Variants in ZNF430 observed in about 807,000 individuals in gnomAD.
ZNF430 encodes zinc finger protein 430.
Under a neutral mutation model 56.7 loss-of-function variants are expected in ZNF430, and 35 were observed. The ratio of observed to expected loss-of-function variants is 0.62; its 90% confidence interval spans 0.47 to 0.82. The LOEUF is 0.82. Ranked by LOEUF, ZNF430 falls within the 40% of genes least tolerant of loss-of-function variation. ZNF430 has a pLI of 0.00. For missense variants in ZNF430, 574 were observed against 661.0 expected (o/e 0.87, Z 1.44); for synonymous variants, 212 against 224.3 (o/e 0.94, Z 0.49).
chr19:21,057,919 A>T lies in ZNF430; in HGVS notation c.1611A>T (p.Gly537=). 2 of 1,613,780 alleles carry T rather than the reference A, an allele frequency of 1.2e-6. No homozygotes were observed. The highest frequency in any genetic ancestry group is 1.7e-6 in the Non-Finnish European group (2 of 1,179,866). ...CTAAACATAAGGTAATTCATACTGGAGAGAAACCCTACAACTGTGAAGAAT... is the reference window on the plus strand; with the variant it reads ...CTAAACATAAGGTAATTCATACTGGTGAGAAACCCTACAACTGTGAAGAAT... ...TLTKHKVIHT[G]EKPYNCEEYG... is the part of the protein sequence containing the mutation. The change falls in exon 5 of 5, where the codon GGA becomes GGT. Residue 537 remains glycine, a synonymous_variant. Coordinates refer to ENST00000261560, the MANE Select transcript of ZNF430 (RefSeq NM_025189.4).
chr19:21,028,705 A>G (rs1046241582), intron 2 of ZNF430, among the ~76,000 whole-genome samples: 11 of 151,792 alleles, frequency 7.2e-5, no homozygotes, highest in African/African-American at 2.7e-4. Context: ...TTCTTTTTTT[A>G]GACGGAGTAT....
chr19:21,054,669 C>CTTTTT lies in ZNF430; in HGVS notation c.323-1942_323-1938dup, dbSNP rs55772412. Among the ~76,000 whole-genome samples the CTTTTT allele has an allele frequency of 4.1e-3, 268 of 65,604 alleles. 1 individual carries two copies. The highest frequency in any genetic ancestry group is 5.0e-3 in the African/African-American group (79 of 15,722). 43.0% of individuals were successfully genotyped at this position (65,604 alleles called of 152,430 possible). The stretch of plus-strand genomic sequence containing the variant: ...TTTTTGAGCTTCTTCATTTTTACGT[C>CTTTTT]TTTTTTTTTTTTTTTTTTTTTTTTG... On this transcript the variant is annotated intron_variant, in intron 4 of 4. Coordinates refer to ENST00000261560, the MANE Select transcript of ZNF430 (RefSeq NM_025189.4).
In ZNF430 at chr19:21,033,476, T is replaced by C. The variant is rs1229696307; in HGVS notation, c.117T>C (p.Asp39=). The C allele has an allele frequency of 3.1e-6, 5 of 1,611,312 alleles. No homozygotes were observed. In the Admixed American group the frequency reaches 6.7e-5, roughly 22 times the overall value. The change falls in exon 3 of 5, where the codon GAT becomes GAC. Residue 39 remains aspartate, a synonymous_variant. Transcript: ENST00000261560. ...FYEKGPLTFR[D]VAIEFSLEEW... ...TTCAGGGGCCATTGACATTTAGGGA[T>C]GTGGCCATAGAATTTTCTCTGGAGG...
At chr19:21,031,032 G>A (rs138992366) in intron 2 of ZNF430, among the ~76,000 whole-genome samples, 1 of 151,954 alleles carries the variant, frequency 6.6e-6, no homozygotes, top group South Asian at 2.1e-4. Flanking sequence ...ACAGGCACCC[G>A]CCACCATTCC....
rs1217987419 is a variant in ZNF430, at chr19:21,058,024, AT to A, written c.*5del. The A allele has an allele frequency of 6.2e-7, 1 of 1,609,610 alleles. No homozygotes were observed. The highest frequency in any genetic ancestry group is 8.5e-7 in the Non-Finnish European group (1 of 1,178,304). On this transcript the variant is annotated 3_prime_UTR_variant, in exon 5 of 5. Transcript: ENST00000261560. Reference sequence around the variant, plus strand: ...GGAGAGAAACCCTACAAATGTGAAGATTGTGGCAAAGCCTCTAACCCGTCCT... The same window carrying A: ...GGAGAGAAACCCTACAAATGTGAAGATGTGGCAAAGCCTCTAACCCGTCCT...
intron 4 of ZNF430, among the ~76,000 whole-genome samples, chr19:21,054,023 A>G (rs1440386590): frequency 1.3e-5 from 2 of 152,080 alleles, no homozygotes; most frequent in African/African-American, 2.4e-5. Flanking sequence ...CTTCAGTTAC[A>G]TGCAAATATT....
Position 21,020,794 on chromosome 19 carries a change from C to T in ZNF430, c.-7C>T. 7 of 1,613,832 alleles carry T rather than the reference C, an allele frequency of 4.3e-6. No homozygotes were observed. The highest frequency in any genetic ancestry group is 5.1e-6 in the Non-Finnish European group (6 of 1,179,842). Reference sequence around the variant, plus strand: ...CTAAGACGCCAGGAACCCCTGGAAGCCTAGAAATGGTGAGAGTGCCGGGTC... The same window carrying T: ...CTAAGACGCCAGGAACCCCTGGAAGTCTAGAAATGGTGAGAGTGCCGGGTC... On this transcript the variant is annotated 5_prime_UTR_variant, in exon 1 of 5. Coordinates refer to ENST00000261560, the MANE Select transcript of ZNF430 (RefSeq NM_025189.4).
rs1968387661 is a variant in ZNF430 at position 21,056,869 on chromosome 19, T to C, written c.561T>C (p.Tyr187=). Residue 187 remains tyrosine, a synonymous_variant, in exon 5 of 5, where the codon TAT becomes TAC. Transcript: ENST00000261560. ...FQYDKYVNVF[Y]KFSNPNIQKI... is the part of the protein sequence containing the mutation. ...ATGATAAATATGTGAATGTCTTTTA[T>C]AAATTTTCAAATCCAAATATACAAA... The C allele has an allele frequency of 3.7e-6, 6 of 1,609,666 alleles. No individual in the cohort carries two copies. In the East Asian group the frequency reaches 1.1e-4, roughly 30 times the overall value.
At chr19:21,052,994 A>G (rs939413864) in intron 4 of ZNF430, among the ~76,000 whole-genome samples, 1 of 152,148 alleles carries the variant, frequency 6.6e-6, no homozygotes, top group Non-Finnish European at 1.5e-5. Flanking sequence ...CAGTCTTCCC[A>G]GATGTCACCT....
At chr19:21,040,404 A>G (rs907782310) in intron 4 of ZNF430, among the ~76,000 whole-genome samples, 1 of 152,208 alleles carries the variant, frequency 6.6e-6, no homozygotes, top group Non-Finnish European at 1.5e-5. Flanking sequence ...TAGTAATCAG[A>G]AAGTTTTCAC....
chr19:21,039,544 GCAAACTCC>G (rs1968066405), intron 4 of ZNF430, among the ~76,000 whole-genome samples: 1 of 150,776 alleles, frequency 6.6e-6, no homozygotes, highest in African/African-American at 2.4e-5. Flanking sequence ...TTGGCTCACT[GCAAACTCC>G]GCCTCACAGG....
At chr19:21,054,180 T>G (rs1968331601) in intron 4 of ZNF430, among the ~76,000 whole-genome samples, 1 of 152,134 alleles carries the variant, frequency 6.6e-6, no homozygotes, top group Non-Finnish European at 1.5e-5. Flanking sequence ...TTCTGCACCA[T>G]TATAATAATG....
chr19:21,054,095 T>C (rs35644122), intron 4 of ZNF430, among the ~76,000 whole-genome samples: 2 of 152,136 alleles, frequency 1.3e-5, no homozygotes, highest in Admixed American at 1.3e-4. Flanking sequence ...TTTTATGTTG[T>C]ATATTAACTA....
intron 2 of ZNF430, among the ~76,000 whole-genome samples, chr19:21,030,293 A>G (rs897823082): frequency 1.3e-5 from 2 of 152,232 alleles, no homozygotes; most frequent in African/African-American, 2.4e-5. Context: ...TTAAAACAAA[A>G]TCAATGACAG....
chr19:21,039,184 A>C (rs1599498623), intron 4 of ZNF430, among the ~76,000 whole-genome samples: 4 of 152,014 alleles, frequency 2.6e-5, no homozygotes, highest in African/African-American at 9.7e-5. Flanking sequence ...CCTGACCTCA[A>C]GTGATTCGCC....
intron 2 of ZNF430, among the ~76,000 whole-genome samples, chr19:21,029,519 A>G (rs1249831242): frequency 6.6e-6 from 1 of 152,206 alleles, no homozygotes; most frequent in East Asian, 1.9e-4. Context: ...AAGCTTAGGA[A>G]AAACAGAACT....
chr19:21,048,756 C>T (rs1201173724), intron 4 of ZNF430, among the ~76,000 whole-genome samples: 4 of 151,880 alleles, frequency 2.6e-5, no homozygotes, highest in African/African-American at 4.8e-5. Context: ...CCAGAAGGGG[C>T]GGCCGGGCAG....
chr19:21,030,083 C>G, intron 2 of ZNF430, among the ~76,000 whole-genome samples: 1 of 145,704 alleles, frequency 6.9e-6, no homozygotes, highest in Admixed American at 6.9e-5. Context: ...ATTTTAGGAT[C>G]TTATTTTTTG....
chr19:21,042,530 G>C (rs1329449648), intron 4 of ZNF430, among the ~76,000 whole-genome samples: 1 of 152,164 alleles, frequency 6.6e-6, no homozygotes, highest in African/African-American at 2.4e-5. Context: ...GCTCACACCT[G>C]TAATCCCAGC....
Sources: gnomAD v4.1 joint callset for allele counts (sites outside exome capture counted in the v4.1 genomes callset) on GRCh38, gnomAD v4.1.1 for gene constraint, MANE v1.5 for transcripts, NCBI Gene and HGNC (gene_info 2026-07-23, HGNC 2026-07-21) for gene names.